SCTR: variants seen among roughly 807,000 people sequenced by gnomAD.
SCTR encodes the protein secretin receptor, also known as pancreatic secretin receptor.
A neutral mutation model predicts 60.8 loss-of-function variants in SCTR; 56 were observed. That is an observed-to-expected ratio of 0.92 (90% confidence interval 0.74 to 1.15). SCTR has a LOEUF of 1.15. SCTR is among the 50% of genes most tolerant of loss of function. The pLI is 0.00. For missense variants in SCTR, 562 were observed against 550.4 expected, an observed-to-expected ratio of 1.02 and a Z score of -0.21; for synonymous variants, 202 against 217.0, an observed-to-expected ratio of 0.93 and a Z score of 0.61.
At chr2:119,449,721 GC>G (rs1683072406) in intron 9 of SCTR, among the ~76,000 whole-genome samples, 1 of 152,102 alleles carries the variant, frequency 6.6e-6, no homozygotes, top group Admixed American at 6.6e-5. Context: ...CACACAAGCA[GC>G]CTGGGGCCTG....
intron 2 of SCTR, among the ~76,000 whole-genome samples, chr2:119,484,387 C>A (rs762923660): frequency 3.5e-4 from 53 of 152,148 alleles, no homozygotes; most frequent in Non-Finnish European, 5.9e-4. Context: ...CAAGAGAAGA[C>A]AATGCCACCA....
At chr2:119,468,089 T>C (rs575502553) in intron 4 of SCTR, among the ~76,000 whole-genome samples, 2 of 152,240 alleles carry the variant, frequency 1.3e-5, no homozygotes, top group East Asian at 1.9e-4. Flanking sequence ...AGAGACAAGA[T>C]TGTAAAGAGA....
Position 119,461,908 on chromosome 2 carries a change from G to T in SCTR, c.729C>A (p.Leu243=), listed in dbSNP as rs1440806434. 3.1e-6 allele frequency: 5 copies of T among 1,614,040 alleles called. No individual in the cohort carries two copies. The Admixed American group carries it at 8.3e-5, about 27-fold the overall frequency. ...LLVEGLYLHT[L]LAISFFSERK... ...TTTCAGAGAAGAAGGAGATGGCGAG[G>T]AGTGTGTGAAGGTAGAGGCCTTCCA... Residue 243 remains leucine, a synonymous_variant, in exon 7 of 13, where the codon CTC becomes CTA. Coordinates refer to ENST00000019103, the MANE Select transcript of SCTR (RefSeq NM_002980.3).
intron 4 of SCTR, among the ~76,000 whole-genome samples, chr2:119,468,106 T>C (rs1447395747): frequency 6.6e-6 from 1 of 152,208 alleles, no homozygotes; most frequent in African/African-American, 2.4e-5. Flanking sequence ...GAGATATGGC[T>C]GATGTTAACA....
chr2:119,490,665 C>T (rs1460448358), intron 2 of SCTR, among the ~76,000 whole-genome samples: 2 of 152,214 alleles, frequency 1.3e-5, no homozygotes, highest in African/African-American at 4.8e-5. Flanking sequence ...CAGCTCATCA[C>T]CATGTGTGGT....
At chr2:119,503,598 T>C (rs1197121890) in intron 1 of SCTR, among the ~76,000 whole-genome samples, 3 of 151,610 alleles carry the variant, frequency 2.0e-5, no homozygotes, top group African/African-American at 7.3e-5. Flanking sequence ...TTGGTGACAG[T>C]AAAAAAAATC....
At chr2:119,495,473 C>T (rs1309844177) in intron 1 of SCTR, 1 of 152,242 alleles carries the variant, frequency 6.6e-6, no homozygotes, top group Non-Finnish European at 1.5e-5. Flanking sequence ...TGGGGTCTCA[C>T]CTGGTTCTTG....
In SCTR at chr2:119,439,902, T is replaced by C; in HGVS notation, c.*215A>G. ...TCCCTTTCTGGGACCCCTGAACTTC[T>C]CTTCCCAGAAGAGCAAACGAACCAA... On this transcript the variant is annotated 3_prime_UTR_variant, in exon 13 of 13. Transcript: ENST00000019103. 1.9e-6 allele frequency: 1 copy of C among 528,746 alleles called. No homozygotes were observed. Among genetic ancestry groups the C allele is most frequent in the Non-Finnish European group, 3.3e-6 (1 of 299,932 alleles). The allele number at this position is 528,746 out of a possible 1,614,324, so 32.8% of individuals were successfully genotyped here. A position where few individuals can be genotyped will look rare whatever the true frequency, so the allele number is the denominator to read the frequency against.
chr2:119,497,630 AGGC>A (rs1678401347), intron 1 of SCTR, among the ~76,000 whole-genome samples: 1 of 152,072 alleles, frequency 6.6e-6, no homozygotes, highest in African/African-American at 2.4e-5. Context: ...GAAGGCAGGC[AGGC>A]AGGCAGGCAG....
Position 119,440,172 on chromosome 2 carries a change from G to A in SCTR, c.1268C>T (p.Thr423Ile), listed in dbSNP as rs969411880. The A allele has an allele frequency of 1.2e-6, 2 of 1,614,072 alleles. No homozygotes were observed. The highest frequency in any genetic ancestry group is 1.7e-6 in the Non-Finnish European group (2 of 1,180,002). Residue 423 changes from threonine (T) to isoleucine (I), a missense_variant, in exon 13 of 13, where the codon ACC (threonine) becomes ATC (isoleucine). Physicochemically the swap from Thr to Ile is moderately conservative, Grantham distance 89 (BLOSUM62 -1). Transcript: ENST00000019103. The stretch of plus-strand genomic sequence containing the variant: ...GCTCTGCTCCAAGTGGCTGGCCTTG[G>A]TGCTGTTGCTGAAGGAGGCCACGGG... ...LHPVASFSNS[T>I]KASHLEQSQG...
At chr2:119,524,028 G>A (rs536967742) in intron 1 of SCTR, 127 bp downstream of exon 1, 53 of 710,786 alleles carry the variant, frequency 7.5e-5, no homozygotes, top group Non-Finnish European at 7.4e-5. Context: ...GATTGGGAGG[G>A]AAGAGTCCCT....
chr2:119,488,259 T>G (rs1213719349), intron 2 of SCTR, among the ~76,000 whole-genome samples: 1 of 152,178 alleles, frequency 6.6e-6, no homozygotes, highest in Non-Finnish European at 1.5e-5. Flanking sequence ...TGAGCCACCC[T>G]TTCACCCACC....
intron 1 of SCTR, among the ~76,000 whole-genome samples, chr2:119,507,791 G>C (rs1236851917): frequency 6.8e-6 from 1 of 148,060 alleles, no homozygotes; most frequent in East Asian, 2.1e-4. Context: ...CGACTCTCCT[G>C]CCTCTGCCTC....
chr2:119,496,217 A>AG (rs1678338974), intron 1 of SCTR, among the ~76,000 whole-genome samples: 2 of 152,108 alleles, frequency 1.3e-5, no homozygotes, highest in South Asian at 4.2e-4. Flanking sequence ...GTCAGCACAC[A>AG]TGCTGTTCAG....
At chr2:119,481,875 T>C (rs949469412) in intron 2 of SCTR, among the ~76,000 whole-genome samples, 7 of 152,206 alleles carry the variant, frequency 4.6e-5, no homozygotes, top group Non-Finnish European at 2.9e-5. Flanking sequence ...CCCAGTTGAC[T>C]TCTACATTCT....
intron 7 of SCTR, among the ~76,000 whole-genome samples, chr2:119,456,876 G>A (rs1023434390): frequency 3.9e-5 from 6 of 152,142 alleles, no homozygotes; most frequent in African/African-American, 1.4e-4. Context: ...GACATAAGCA[G>A]GAATGGGGCT....
At chr2:119,445,367 G>C (rs1315272632) in intron 11 of SCTR, among the ~76,000 whole-genome samples, 1 of 152,228 alleles carries the variant, frequency 6.6e-6, no homozygotes. Flanking sequence ...CCTGGATTAA[G>C]CCAGAGGCTG....
chr2:119,472,548 C>T (rs886714841), intron 4 of SCTR, among the ~76,000 whole-genome samples: 5 of 152,206 alleles, frequency 3.3e-5, no homozygotes, highest in African/African-American at 9.6e-5. Flanking sequence ...AGCCGATTGC[C>T]GAAGGGAGCA....
At chr2:119,443,433 G>A (rs1404018186) in intron 11 of SCTR, among the ~76,000 whole-genome samples, 1 of 152,072 alleles carries the variant, frequency 6.6e-6, no homozygotes, top group African/African-American at 2.4e-5. Flanking sequence ...AGTTATTTCT[G>A]GGTTATGACG....
Sources: allele counts gnomAD v4.1 joint callset (sites outside exome capture counted in the v4.1 genomes callset), GRCh38; gene constraint gnomAD v4.1.1; transcripts MANE v1.5; gene names NCBI Gene and HGNC (gene_info 2026-07-23, HGNC 2026-07-21).